The following PDIA5 variants were observed in gnomAD, a reference collection of about 807,000 sequenced individuals.
PDIA5 encodes the protein protein disulfide isomerase family A member 5.
In PDIA5, 58 loss-of-function variants were observed where a neutral mutation model predicts 77.6. The observed-to-expected ratio is 0.75, with a 90% CI of 0.61 to 0.93. PDIA5 has a LOEUF of 0.93. Among genes scored for constraint, PDIA5 ranks in the 40% least tolerant of loss-of-function variants. The pLI is 0.00. For missense variants in PDIA5, 630 were observed against 647.7 expected, an observed-to-expected ratio of 0.97 and a Z score of 0.30; for synonymous variants, 250 against 252.1, an observed-to-expected ratio of 0.99 and a Z score of 0.08.
intron 6 of PDIA5, among the ~76,000 whole-genome samples, chr3:123,110,074 G>A (rs975152768): frequency 7.2e-5 from 11 of 152,230 alleles, no homozygotes; most frequent in South Asian, 2.1e-4. Context: ...TACTTTAATC[G>A]AAATATGCTC....
intron 14 of PDIA5, among the ~76,000 whole-genome samples, chr3:123,153,776 T>C (rs1935962897): frequency 6.6e-6 from 1 of 152,236 alleles, no homozygotes. Context: ...ATTAAACTTG[T>C]AGCTTAGCCT....
At chr3:123,078,425 T>G (rs1007570628) in intron 1 of PDIA5, among the ~76,000 whole-genome samples, 5 of 152,340 alleles carry the variant, frequency 3.3e-5, no homozygotes, top group African/African-American at 1.2e-4. Context: ...CAGGTTTTTT[T>G]CTTTGTAACT....
At chr3:123,123,516 G>A (rs911992479) in intron 8 of PDIA5, among the ~76,000 whole-genome samples, 7 of 152,156 alleles carry the variant, frequency 4.6e-5, no homozygotes, top group East Asian at 3.9e-4. Flanking sequence ...AGAACCACAC[G>A]GCCTCCCTGG....
At chr3:123,118,574 A>T (rs1181409908) in intron 8 of PDIA5, among the ~76,000 whole-genome samples, 1 of 152,142 alleles carries the variant, frequency 6.6e-6, no homozygotes, top group Non-Finnish European at 1.5e-5. Context: ...TCTAGGCCCC[A>T]TCCCACGCTG....
intron 7 of PDIA5, among the ~76,000 whole-genome samples, chr3:123,111,568 G>A (rs1934865445): frequency 6.6e-6 from 1 of 152,246 alleles, no homozygotes; most frequent in Non-Finnish European, 1.5e-5. Context: ...TCTTTCAGAT[G>A]ACAGCCAGAA....
chr3:123,102,254 C>G (rs993241730), intron 3 of PDIA5, among the ~76,000 whole-genome samples, 157 bp from the exon 4 acceptor site: 3 of 152,174 alleles, frequency 2.0e-5, no homozygotes, highest in Non-Finnish European at 4.4e-5. Context: ...TAGTCTCCAC[C>G]CTCTAGCTCT....
intron 7 of PDIA5, among the ~76,000 whole-genome samples, chr3:123,112,179 C>T (rs1393655664): frequency 6.6e-6 from 1 of 152,208 alleles, no homozygotes; most frequent in African/African-American, 2.4e-5. Context: ...GCCCTTTGTG[C>T]TGCACCTCTG....
chr3:123,130,128 C>G (rs772127077), intron 10 of PDIA5, among the ~76,000 whole-genome samples: 1 of 152,226 alleles, frequency 6.6e-6, no homozygotes, highest in Non-Finnish European at 1.5e-5. Context: ...TTTATTCTTT[C>G]CAGTTTGCTG....
At chr3:123,088,640 C>T (rs191820596) in intron 1 of PDIA5, among the ~76,000 whole-genome samples, 10 of 152,294 alleles carry the variant, frequency 6.6e-5, no homozygotes, top group East Asian at 5.8e-4. Flanking sequence ...GGATTGGTTC[C>T]AGCATCCCGC....
chr3:123,152,592 C>G (rs1303765011), intron 14 of PDIA5, among the ~76,000 whole-genome samples: 2 of 152,258 alleles, frequency 1.3e-5, no homozygotes, highest in East Asian at 3.9e-4. Flanking sequence ...GATCTAAACA[C>G]TACAGAAATG....
intron 2 of PDIA5, among the ~76,000 whole-genome samples, chr3:123,090,144 C>T (rs1223509098): frequency 6.6e-6 from 1 of 152,208 alleles, no homozygotes; most frequent in African/African-American, 2.4e-5. Flanking sequence ...GTGCCTGCAT[C>T]CTCCAGGCAT....
chr3:123,112,590 C>T (rs1431951999), intron 7 of PDIA5, among the ~76,000 whole-genome samples: 2 of 143,982 alleles, frequency 1.4e-5, no homozygotes, highest in Non-Finnish European at 3.0e-5. Flanking sequence ...GCTCTGTTGC[C>T]CAGGCTGGAG....
At chr3:123,088,917 G>A (rs899070142) in intron 1 of PDIA5, among the ~76,000 whole-genome samples, 10 of 152,128 alleles carry the variant, frequency 6.6e-5, no homozygotes, top group African/African-American at 2.2e-4. Flanking sequence ...CGGAACCTGC[G>A]AGATAGAGGG....
chr3:123,147,845 G>A (rs1185972807), intron 13 of PDIA5, among the ~76,000 whole-genome samples: 1 of 152,220 alleles, frequency 6.6e-6, no homozygotes, highest in Non-Finnish European at 1.5e-5. Flanking sequence ...TCACTGGAAA[G>A]GACTGGGTGG....
Position 123,146,270 on chromosome 3 carries a change from C to T in PDIA5, c.1142+11C>T, listed in dbSNP as rs561857368. ...CGAGTGGATGCAAAAGTAAGTGTTA[C>T]GATCTCAGTAGCACATCCTAACTGC... On this transcript the variant is annotated intron_variant, in intron 13 of 16. Transcript: ENST00000316218. The T allele has an allele frequency of 6.8e-6, 11 of 1,611,954 alleles. No homozygotes were observed. Among genetic ancestry groups the T allele is most frequent in the Middle Eastern group, 1.7e-4 (1 of 6,058 alleles).
At chr3:123,077,279 T>C (rs1185940707) in intron 1 of PDIA5, among the ~76,000 whole-genome samples, 1 of 152,238 alleles carries the variant, frequency 6.6e-6, no homozygotes, top group Non-Finnish European at 1.5e-5. Context: ...GCTTACTTTA[T>C]ACACTTGTCA....
chr3:123,077,498 A>T (rs979594762), intron 1 of PDIA5, among the ~76,000 whole-genome samples: 6 of 151,852 alleles, frequency 4.0e-5, no homozygotes, highest in African/African-American at 1.5e-4. Flanking sequence ...GGCTGCCACT[A>T]GCCGAGGGTC....
chr3:123,123,084 G>A (rs1935157212), intron 8 of PDIA5, among the ~76,000 whole-genome samples: 1 of 152,120 alleles, frequency 6.6e-6, no homozygotes, highest in Non-Finnish European at 1.5e-5. Context: ...AAGCCAGCCT[G>A]GGCAACACAG....
chr3:123,095,712 G>A (rs910609706), intron 3 of PDIA5, among the ~76,000 whole-genome samples: 29 of 146,332 alleles, frequency 2.0e-4, no homozygotes, highest in Admixed American at 1.4e-3. Context: ...TCACGCCATC[G>A]CACTCCAGCT....
Sources: gnomAD v4.1 joint callset for allele counts (sites outside exome capture counted in the v4.1 genomes callset) on GRCh38, gnomAD v4.1.1 for gene constraint, MANE v1.5 for transcripts, NCBI Gene and HGNC (gene_info 2026-07-23, HGNC 2026-07-21) for gene names.